The following PHACTR1 variants were observed in gnomAD, a reference collection of about 807,000 sequenced individuals.
PHACTR1 encodes the protein RPEL repeat containing 1.
PHACTR1 carries 16 observed loss-of-function variants against 69.2 expected under a neutral mutation model. The observed-to-expected ratio is 0.23, with a 90% CI of 0.16 to 0.35. The LOEUF (loss-of-function observed/expected upper bound fraction) is 0.35. PHACTR1 is among the 10% of genes least tolerant of loss of function. The pLI is 1.00. For synonymous variants in PHACTR1, 312 were observed against 284.5 expected (o/e 1.10, Z -0.97); for missense variants, 510 against 734.7 (o/e 0.69, Z 3.54).
chr6:13,091,946 T>C (rs1583317915), intron 5 of PHACTR1, among the ~76,000 whole-genome samples: 1 of 152,236 alleles, frequency 6.6e-6, no homozygotes, highest in Non-Finnish European at 1.5e-5. Context: ...TGCAGGCGCA[T>C]ATGACCACGC....
At chr6:13,124,565 G>T (rs536689578) in intron 5 of PHACTR1, among the ~76,000 whole-genome samples, 1 of 152,152 alleles carries the variant, frequency 6.6e-6, no homozygotes, top group South Asian at 2.1e-4. Flanking sequence ...GTCAAATATT[G>T]TTTCATTCAT....
chr6:12,950,306 A>T (rs1271544988), intron 4 of PHACTR1, among the ~76,000 whole-genome samples: 1 of 152,220 alleles, frequency 6.6e-6, no homozygotes, highest in Admixed American at 6.5e-5. Context: ...AAAAGCAAGG[A>T]TCCCAACTAA....
At chr6:13,162,847 C>T (rs1283040886) in intron 6 of PHACTR1, among the ~76,000 whole-genome samples, 1 of 152,084 alleles carries the variant, frequency 6.6e-6, no homozygotes, top group Non-Finnish European at 1.5e-5. Context: ...TGCCCCAAGT[C>T]CTCACCAACA....
intron 10 of PHACTR1, among the ~76,000 whole-genome samples, chr6:13,230,849 T>G (rs1296910786): frequency 6.6e-6 from 1 of 152,050 alleles, no homozygotes; most frequent in Non-Finnish European, 1.5e-5. Context: ...AAACCCCATC[T>G]CTACATAAAA....
intron 4 of PHACTR1, among the ~76,000 whole-genome samples, chr6:12,866,781 T>G (rs780796517): frequency 1.3e-4 from 20 of 152,114 alleles, no homozygotes; most frequent in Non-Finnish European, 2.6e-4. Context: ...ATGCCAACAA[T>G]AGATGGGAGG....
chr6:13,014,038 C>CCAACAA (rs970673646), intron 4 of PHACTR1, among the ~76,000 whole-genome samples: 2 of 151,936 alleles, frequency 1.3e-5, no homozygotes, highest in Non-Finnish European at 2.9e-5. Flanking sequence ...GAGCCCGCCC[C>CCAACAA]CAACAACAAC....
At chr6:12,846,753 TTTGTGGTAA>T (rs1458896916) in intron 4 of PHACTR1, among the ~76,000 whole-genome samples, 1 of 151,596 alleles carries the variant, frequency 6.6e-6, no homozygotes, top group African/African-American at 2.4e-5. Flanking sequence ...CCTTAGGAGA[TTTGTGGTAA>T]TTGCAACTAC....
intron 8 of PHACTR1, among the ~76,000 whole-genome samples, chr6:13,226,822 C>G (rs1230446133): frequency 6.6e-6 from 1 of 150,938 alleles, no homozygotes; most frequent in African/African-American, 2.4e-5. Context: ...ACTGCAACCT[C>G]TGCCTCCCAG....
At chr6:12,810,851 T>G (rs1356972146) in intron 4 of PHACTR1, among the ~76,000 whole-genome samples, 1 of 152,262 alleles carries the variant, frequency 6.6e-6, no homozygotes, top group Non-Finnish European at 1.5e-5. Flanking sequence ...ATTGTATGTC[T>G]TCTCCATATG....
intron 10 of PHACTR1, among the ~76,000 whole-genome samples, chr6:13,238,068 TTTAG>T (rs1478103345): frequency 5.3e-5 from 8 of 152,086 alleles, no homozygotes; most frequent in Non-Finnish European, 7.4e-5. Context: ...GTTTTAGGAA[TTTAG>T]TTAGCTTGCT....
At chr6:13,136,215 G>C (rs190142004) in intron 5 of PHACTR1, among the ~76,000 whole-genome samples, 68 of 151,916 alleles carry the variant, frequency 4.5e-4, no homozygotes, top group African/African-American at 1.6e-3. Context: ...AATCTATTTG[G>C]TGTAGCCACC....
At position 13,066,391 on chromosome 6, in the gene PHACTR1, A is replaced by G. The variant is rs537347053; in HGVS notation, c.415+12862A>G. On this transcript the variant is annotated intron_variant, in intron 5 of 14. Transcript: ENST00000332995. ...TTACTAAGATCTGAAAGAGGAGAGG[A>G]GGTAGGGTACTTATGGATGCGTAAG... Among the ~76,000 whole-genome samples, 10 of 152,294 alleles carry G rather than the reference A, an allele frequency of 6.6e-5. No homozygotes were observed. The East Asian group carries it at 1.9e-3, about 29-fold the overall frequency.
chr6:12,840,674 G>A (rs1325996670), intron 4 of PHACTR1, among the ~76,000 whole-genome samples: 2 of 152,118 alleles, frequency 1.3e-5, no homozygotes, highest in African/African-American at 2.4e-5. Flanking sequence ...TTAGACATAG[G>A]TTTCCTATAC....
At chr6:13,085,842 A>G (rs573473836) in intron 5 of PHACTR1, among the ~76,000 whole-genome samples, 1 of 152,120 alleles carries the variant, frequency 6.6e-6, no homozygotes, top group South Asian at 2.1e-4. Flanking sequence ...ACTGAGAATA[A>G]ATATATTATG....
chr6:13,141,729 T>C lies in PHACTR1; in HGVS notation c.416-18475T>C, dbSNP rs1271596262. Among the ~76,000 whole-genome samples, 8 of 150,322 alleles carry C rather than the reference T, an allele frequency of 5.3e-5. No homozygotes were observed. In the South Asian group the frequency reaches 1.3e-3, roughly 24 times the overall value. On this transcript the variant is annotated intron_variant, in intron 5 of 14. Coordinates refer to ENST00000332995, the MANE Select transcript of PHACTR1 (RefSeq NM_030948.6). Reference sequence around the variant, plus strand: ...CATGTTTAGATTTCTTCTTTCTTTTTTTTTTTTTTTTTTTGTTGTGCTTGT... The same window carrying C: ...CATGTTTAGATTTCTTCTTTCTTTTCTTTTTTTTTTTTTTGTTGTGCTTGT...
chr6:12,986,228 T>C (rs1231970983), intron 4 of PHACTR1, among the ~76,000 whole-genome samples: 2 of 152,158 alleles, frequency 1.3e-5, no homozygotes, highest in African/African-American at 4.8e-5. Flanking sequence ...GAGGCATCAG[T>C]GGGGGCTTCA....
Position 13,205,800 on chromosome 6 carries a change from C to A in PHACTR1, c.665-15C>A. The stretch of plus-strand genomic sequence containing the variant: ...CCCAAACTCACATCTGCCTCTCGCC[C>A]TCTTTCTGCCACAGATCCTGGCGCC... On this transcript the variant is annotated splice_polypyrimidine_tract_variant and intron_variant, in intron 7 of 14. Coordinates refer to ENST00000332995, the MANE Select transcript of PHACTR1 (RefSeq NM_030948.6). 1 of 1,566,894 alleles carries A rather than the reference C, an allele frequency of 6.4e-7. No individual in the cohort carries two copies. The highest frequency in any genetic ancestry group is 8.7e-7 in the Non-Finnish European group (1 of 1,150,328).
intron 4 of PHACTR1, among the ~76,000 whole-genome samples, chr6:13,025,434 C>G (rs1446243233): frequency 6.6e-6 from 1 of 152,112 alleles, no homozygotes; most frequent in Non-Finnish European, 1.5e-5. Flanking sequence ...GCAGGCCTCC[C>G]CTGACATAGT....
intron 4 of PHACTR1, among the ~76,000 whole-genome samples, chr6:13,052,887 A>G (rs1489983746): frequency 6.6e-6 from 1 of 152,230 alleles, no homozygotes; most frequent in Non-Finnish European, 1.5e-5. Context: ...GGTAGTAGGA[A>G]GTAGACAGCA....
Sources: allele counts gnomAD v4.1 joint callset (sites outside exome capture counted in the v4.1 genomes callset), GRCh38; gene constraint gnomAD v4.1.1; transcripts MANE v1.5; gene names NCBI Gene and HGNC (gene_info 2026-07-23, HGNC 2026-07-21).